Variants in CNTNAP5 observed in about 807,000 individuals in gnomAD.
CNTNAP5 encodes the protein contactin-associated protein-like 5.
A neutral mutation model predicts 150.2 loss-of-function variants in CNTNAP5; 72 were observed. The observed-to-expected ratio is 0.48, with a 90% confidence interval of 0.40 to 0.58. The LOEUF (loss-of-function observed/expected upper bound fraction) is 0.58, where lower values mean the gene tolerates loss of function less well. CNTNAP5 is among the 20% of genes least tolerant of loss of function. The pLI, the probability that CNTNAP5 is intolerant of heterozygous loss-of-function variation, is 0.00. For synonymous variants in CNTNAP5, 672 were observed against 619.8 expected (o/e 1.08, Z -1.25); for missense variants, 1,636 against 1,626.2 (o/e 1.01, Z -0.10).
intron 19 of CNTNAP5, among the ~76,000 whole-genome samples, chr2:124,816,336 C>T (rs2104663674): frequency 6.6e-6 from 1 of 152,244 alleles, no homozygotes; most frequent in South Asian, 2.1e-4. Flanking sequence ...TTCCAAGCTC[C>T]ATTAGGTTGT....
rs372668199 is a variant in CNTNAP5 at position 124,608,907 on chromosome 2, G to A, written c.1757-894G>A. 2.6e-4 allele frequency among the ~76,000 whole-genome samples: 40 copies of A among 151,178 alleles called. 1 individual carries two copies. The South Asian group carries it at 4.0e-3, about 15-fold the overall frequency. On this transcript the variant is annotated intron_variant, in intron 11 of 23. Coordinates refer to ENST00000682447, the MANE Select transcript of CNTNAP5 (RefSeq NM_001367498.1). ...TGTAGTGAGCCAAGATCAAGCCACG[G>A]CACTCCAGCCTGGGCAACAGAGCAG...
At chr2:124,406,728 T>C (rs1401517743) in intron 3 of CNTNAP5, among the ~76,000 whole-genome samples, 2 of 152,214 alleles carry the variant, frequency 1.3e-5, no homozygotes, top group African/African-American at 4.8e-5. Flanking sequence ...CCTAGCTATT[T>C]TAAAATATAT....
At chr2:124,506,469 G>A (rs746208297) in intron 8 of CNTNAP5, among the ~76,000 whole-genome samples, 8 of 152,116 alleles carry the variant, frequency 5.3e-5, no homozygotes, top group Non-Finnish European at 1.2e-4. Flanking sequence ...AGTTCAGACT[G>A]CTCTGAGCTG....
chr2:124,312,659 C>T (rs1380500461), intron 3 of CNTNAP5, among the ~76,000 whole-genome samples: 1 of 152,252 alleles, frequency 6.6e-6, no homozygotes, highest in East Asian at 1.9e-4. Context: ...CAAGCTCCGC[C>T]TCCTGGGTTC....
chr2:124,352,893 C>T (rs1403282531), intron 3 of CNTNAP5, among the ~76,000 whole-genome samples: 1 of 152,158 alleles, frequency 6.6e-6, no homozygotes, highest in Non-Finnish European at 1.5e-5. Context: ...AGTTACTGAA[C>T]TCATAAAATG....
intron 19 of CNTNAP5, among the ~76,000 whole-genome samples, chr2:124,845,597 T>C (rs1683032707): frequency 6.6e-6 from 1 of 152,102 alleles, no homozygotes; most frequent in African/African-American, 2.4e-5. Context: ...AGAATTAAAC[T>C]GTGAATCCAC....
chr2:124,469,432 T>C (rs1693452514), intron 6 of CNTNAP5, among the ~76,000 whole-genome samples: 1 of 152,094 alleles, frequency 6.6e-6, no homozygotes, highest in South Asian at 2.1e-4. Flanking sequence ...CAACACAAAA[T>C]ACAAATGTCA....
intron 14 of CNTNAP5, among the ~76,000 whole-genome samples, chr2:124,747,788 CTT>C (rs34959025): frequency 4.2e-3 from 179 of 42,458 alleles, no homozygotes; most frequent in African/African-American, 0.014. Context: ...CCTAACTCTT[CTT>C]TTTTTTTTTT....
chr2:124,183,821 C>T (rs996162132), intron 1 of CNTNAP5, among the ~76,000 whole-genome samples: 2 of 152,166 alleles, frequency 1.3e-5, no homozygotes, highest in Admixed American at 1.3e-4. Flanking sequence ...AAGGTTTTCA[C>T]AATCAAGATG....
chr2:124,425,810 G>A (rs1051048306), intron 4 of CNTNAP5, among the ~76,000 whole-genome samples: 4 of 152,118 alleles, frequency 2.6e-5, no homozygotes, highest in African/African-American at 7.2e-5. Flanking sequence ...CATGGCTCAC[G>A]TCTTTGTTAT....
chr2:124,682,058 C>T (rs1422784919), intron 13 of CNTNAP5, among the ~76,000 whole-genome samples: 1 of 152,162 alleles, frequency 6.6e-6, no homozygotes, highest in African/African-American at 2.4e-5. Context: ...ACAGCCTTAG[C>T]TTTTACTTCC....
At chr2:124,400,681 T>TTG (rs1553464860) in intron 3 of CNTNAP5, among the ~76,000 whole-genome samples, 3 of 99,582 alleles carry the variant, frequency 3.0e-5, no homozygotes, top group African/African-American at 8.7e-5. Context: ...TTTTTTTTTT[T>TTG]TTTTTTTGTT....
chr2:124,549,263 T>C (rs1479821890), intron 10 of CNTNAP5, among the ~76,000 whole-genome samples: 2 of 152,144 alleles, frequency 1.3e-5, no homozygotes, highest in Non-Finnish European at 2.9e-5. Flanking sequence ...TGGACAGTGG[T>C]AGTCTCCATT....
chr2:124,700,848 T>G (rs1360542151), intron 13 of CNTNAP5, among the ~76,000 whole-genome samples: 1 of 152,086 alleles, frequency 6.6e-6, no homozygotes, highest in Non-Finnish European at 1.5e-5. Flanking sequence ...CATATAGATA[T>G]TAGGTTGGTG....
chr2:124,371,185 G>T (rs1232136441), intron 3 of CNTNAP5, among the ~76,000 whole-genome samples: 1 of 152,134 alleles, frequency 6.6e-6, no homozygotes, highest in Admixed American at 6.5e-5. Flanking sequence ...GAGAAGAAGG[G>T]TGAGGGAAAG....
intron 1 of CNTNAP5, among the ~76,000 whole-genome samples, chr2:124,163,401 A>T (rs1257799643): frequency 1.3e-5 from 2 of 152,146 alleles, no homozygotes; most frequent in African/African-American, 4.8e-5. Flanking sequence ...GCCTGTATCT[A>T]CCTACTGACA....
In CNTNAP5 at chr2:124,434,705, C is replaced by T. The variant is rs1558900740; in HGVS notation, c.733+18C>T. ...CAATTTGGGTAGGCTCAGACTTCCT[C>T]TTCCAATGCCAAGGGATGGAGAGCT... On this transcript the variant is annotated intron_variant, in intron 5 of 23. Coordinates refer to ENST00000682447, the MANE Select transcript of CNTNAP5 (RefSeq NM_001367498.1). The T allele has an allele frequency of 6.9e-6, 11 of 1,587,186 alleles. No homozygotes were observed. The East Asian group carries it at 2.3e-4, about 33-fold the overall frequency.
chr2:124,696,734 G>A (rs889585949), intron 13 of CNTNAP5, among the ~76,000 whole-genome samples: 1 of 152,118 alleles, frequency 6.6e-6, no homozygotes, highest in Non-Finnish European at 1.5e-5. Context: ...AATAATACAT[G>A]ACGATCTTCA....
intron 1 of CNTNAP5, among the ~76,000 whole-genome samples, chr2:124,045,197 C>T (rs532656017): frequency 1.3e-5 from 2 of 152,190 alleles, no homozygotes; most frequent in South Asian, 4.2e-4. Flanking sequence ...AACAAATACC[C>T]CTGATTCAAT....
Sources: gnomAD v4.1 joint callset for allele counts (sites outside exome capture counted in the v4.1 genomes callset) on GRCh38, gnomAD v4.1.1 for gene constraint, MANE v1.5 for transcripts, NCBI Gene and HGNC (gene_info 2026-07-23, HGNC 2026-07-21) for gene names.